The following OXCT1 variants were observed in gnomAD, a reference collection of about 807,000 sequenced individuals.
OXCT1 encodes succinyl-CoA:3-ketoacid coenzyme A transferase 1, mitochondrial.
Under a neutral mutation model 69.6 loss-of-function variants are expected in OXCT1, and 27 were observed. The ratio of observed to expected loss-of-function variants is 0.39; its 90% CI spans 0.29 to 0.54. The LOEUF (loss-of-function observed/expected upper bound fraction) is 0.54, where lower values mean the gene tolerates loss of function less well. OXCT1 is among the 20% of genes least tolerant of loss of function. The pLI, the probability that OXCT1 is intolerant of heterozygous loss-of-function variation, is 0.72. For synonymous variants in OXCT1, 202 were observed against 217.8 expected, an observed-to-expected ratio of 0.93 and a Z score of 0.64; for missense variants, 437 against 650.2, an observed-to-expected ratio of 0.67 and a Z score of 3.57.
In OXCT1 at chr5:41,865,275, G is replaced by T. The variant is rs116330813; in HGVS notation, c.79-2525C>A. On this transcript the variant is annotated intron_variant, in intron 1 of 16. Transcript: ENST00000196371. ...AAGCATATAACTACAGGCTTGTCAA[G>T]AATTCTATTTTTTTGTTTCATCTGA... is the stretch of plus-strand genomic sequence containing the variant. Among the ~76,000 whole-genome samples the T allele has an allele frequency of 3.2e-3, 486 of 152,160 alleles. 1 individual carries two copies. Among genetic ancestry groups the T allele is most frequent in the African/African-American group, 0.011 (471 of 41,542 alleles).
chr5:41,753,310 G>C (rs200793701), intron 14 of OXCT1, among the ~76,000 whole-genome samples: 3 of 149,884 alleles, frequency 2.0e-5, no homozygotes, highest in Non-Finnish European at 3.0e-5. Context: ...CACACACATA[G>C]ACACACACAC....
chr5:41,769,795 G>A (rs766616905), intron 13 of OXCT1, among the ~76,000 whole-genome samples: 4 of 152,120 alleles, frequency 2.6e-5, no homozygotes, highest in African/African-American at 4.8e-5. Context: ...TTATTTTTGA[G>A]ACAGAGTCTT....
At chr5:41,803,666 A>T (rs1489812552) in intron 9 of OXCT1, among the ~76,000 whole-genome samples, 1 of 152,114 alleles carries the variant, frequency 6.6e-6, no homozygotes, top group Non-Finnish European at 1.5e-5. Context: ...TTGGGTCTCT[A>T]TAGTAACATT....
chr5:41,796,728 T>C (rs1383740988), intron 11 of OXCT1, among the ~76,000 whole-genome samples: 1 of 152,220 alleles, frequency 6.6e-6, no homozygotes, highest in Non-Finnish European at 1.5e-5. Context: ...CTTCCTGGTA[T>C]GGTTAGCAGG....
intron 13 of OXCT1, among the ~76,000 whole-genome samples, chr5:41,780,102 G>A (rs529367790): frequency 2.6e-5 from 4 of 152,120 alleles, no homozygotes; most frequent in Non-Finnish European, 5.9e-5. Context: ...ATAACAGTCT[G>A]AGGAAATTAA....
At chr5:41,854,440 T>C (rs866814229) in intron 3 of OXCT1, among the ~76,000 whole-genome samples, 16 of 152,216 alleles carry the variant, frequency 1.1e-4, no homozygotes, top group Admixed American at 3.9e-4. Flanking sequence ...ACAAGATAGA[T>C]AACTGAATGA....
rs376015434 is a variant in OXCT1 at position 41,848,466 on chromosome 5, G to A, written c.564+1564C>T. Among the ~76,000 whole-genome samples, 891 of 136,144 alleles carry A rather than the reference G, an allele frequency of 6.5e-3. 16 individuals are homozygous for A. The highest frequency in any genetic ancestry group is 0.022 in the African/African-American group (845 of 37,734). The allele number at this position is 136,144 out of a possible 152,430, so 89.3% of individuals were successfully genotyped here. ...TTCATATGGAACCAAAAAAGAGCCCGCATCGCCAAGTCAATCCTAAGCCAA... is the reference window on the plus strand; with the variant it reads ...TTCATATGGAACCAAAAAAGAGCCCACATCGCCAAGTCAATCCTAAGCCAA... On this transcript the variant is annotated intron_variant, in intron 5 of 16. Coordinates refer to ENST00000196371, the MANE Select transcript of OXCT1 (RefSeq NM_000436.4).
intron 4 of OXCT1, among the ~76,000 whole-genome samples, chr5:41,852,344 T>C (rs1052746691): frequency 3.3e-5 from 5 of 152,208 alleles, no homozygotes; most frequent in African/African-American, 9.6e-5. Context: ...CCATGTGTGC[T>C]TTCTAGACAA....
chr5:41,772,373 A>T (rs78748723), intron 13 of OXCT1, among the ~76,000 whole-genome samples: 4 of 151,592 alleles, frequency 2.6e-5, no homozygotes, highest in African/African-American at 9.7e-5. Context: ...AAAAAAAAAA[A>T]GAGAGAGAGA....
intron 15 of OXCT1, among the ~76,000 whole-genome samples, chr5:41,741,665 C>A (rs182908514): frequency 6.6e-6 from 1 of 152,176 alleles, no homozygotes; most frequent in South Asian, 2.1e-4. Context: ...AAACACACAT[C>A]GCTGGGACCA....
At chr5:41,789,217 T>A (rs1033816114) in intron 13 of OXCT1, among the ~76,000 whole-genome samples, 4 of 152,190 alleles carry the variant, frequency 2.6e-5, no homozygotes, top group African/African-American at 9.6e-5. Context: ...ACAGTTTCTA[T>A]CCTAACTATT....
chr5:41,798,149 G>A (rs1015634882), intron 11 of OXCT1, among the ~76,000 whole-genome samples: 1 of 152,090 alleles, frequency 6.6e-6, no homozygotes, highest in Non-Finnish European at 1.5e-5. Flanking sequence ...GACACACCAA[G>A]AGCAAAGACA....
chr5:41,856,428 C>A (rs1440189804), intron 3 of OXCT1, among the ~76,000 whole-genome samples: 3 of 152,138 alleles, frequency 2.0e-5, no homozygotes, highest in Non-Finnish European at 4.4e-5. Context: ...TGTGACAAAC[C>A]ACTGACATTT....
At chr5:41,782,350 G>A (rs60480870) in intron 13 of OXCT1, among the ~76,000 whole-genome samples, 1 of 151,974 alleles carries the variant, frequency 6.6e-6, no homozygotes, top group African/African-American at 2.4e-5. Flanking sequence ...AAGAAGCTGA[G>A]ATTACAGGTG....
At position 41,749,546 on chromosome 5, in the gene OXCT1, T is replaced by A. The variant is rs1236574281; in HGVS notation, c.1400A>T (p.Asn467Ile). 1 of 1,607,098 alleles carries A rather than the reference T, an allele frequency of 6.2e-7. No homozygotes were observed. ...TTTTACCTTTTCAGTAATAATGCGG[T>A]TGACACATTGCTTTCCAGTCAATGG... is the stretch of plus-strand genomic sequence containing the variant. ...TLPLTGKQCV[N>I]RIITEKAVFD... The change falls in exon 15 of 17, where the codon AAC becomes ATC. Residue 467 changes from asparagine (N) to isoleucine (I), a missense_variant. This residue lies in a region of OXCT1 where 102 missense variants were observed against 162.1 expected (regional missense o/e 0.63). Transcript: ENST00000196371.
intron 9 of OXCT1, among the ~76,000 whole-genome samples, chr5:41,804,629 A>G (rs1245466013): frequency 6.6e-6 from 1 of 152,154 alleles, no homozygotes; most frequent in Non-Finnish European, 1.5e-5. Context: ...CTGGAAGAGC[A>G]GCAACATGCT....
At position 41,804,653 on chromosome 5, in the gene OXCT1, A is replaced by G. The variant is rs570345688; in HGVS notation, c.955+914T>C. Among the ~76,000 whole-genome samples, 11 of 152,212 alleles carry G rather than the reference A, an allele frequency of 7.2e-5. No homozygotes were observed. The South Asian group carries it at 2.1e-3, about 29-fold the overall frequency. ...CAGCAACATGCTATTCTTTTCCCCTATGTGAGTTTGCACCATAACACAAGG... is the reference window on the plus strand; with the variant it reads ...CAGCAACATGCTATTCTTTTCCCCTGTGTGAGTTTGCACCATAACACAAGG... On this transcript the variant is annotated intron_variant, in intron 9 of 16. Transcript: ENST00000196371.
At chr5:41,786,993 G>T (rs1745668982) in intron 13 of OXCT1, among the ~76,000 whole-genome samples, 1 of 152,194 alleles carries the variant, frequency 6.6e-6, no homozygotes, top group African/African-American at 2.4e-5. Flanking sequence ...AGGTACGGCT[G>T]CCCCTTAAAC....
chr5:41,733,840 T>C lies in OXCT1; in HGVS notation c.1522-2070A>G, dbSNP rs1031525565. 2.0e-5 allele frequency among the ~76,000 whole-genome samples: 3 copies of C among 152,312 alleles called. No homozygotes were observed. In the East Asian group the frequency reaches 5.8e-4, roughly 29 times the overall value. ...CAGTCTCATCAACGTTGTAAATTCA[T>C]GCAAGCCAAAGGAGCTTATTCTGCC... On this transcript the variant is annotated intron_variant, in intron 16 of 16. Transcript: ENST00000196371.
Sources: allele counts gnomAD v4.1 joint callset (sites outside exome capture counted in the v4.1 genomes callset), GRCh38; gene constraint gnomAD v4.1.1; regional missense constraint gnomAD v4.1.1; transcripts MANE v1.5; gene names NCBI Gene and HGNC (gene_info 2026-07-23, HGNC 2026-07-21).